PLEKHB1: variants seen among roughly 807,000 people sequenced by gnomAD.
PLEKHB1 encodes pleckstrin homology domain-containing family B member 1.
In PLEKHB1, 29 loss-of-function variants were observed where a neutral mutation model predicts 36.2. The observed-to-expected ratio is 0.80, with a 90% CI of 0.60 to 1.09. The LOEUF (loss-of-function observed/expected upper bound fraction) is 1.09, where lower values mean the gene tolerates loss of function less well. PLEKHB1 is among the 50% of genes least tolerant of loss of function. The pLI, the probability that PLEKHB1 is intolerant of heterozygous loss-of-function variation, is 0.00. For missense variants in PLEKHB1, 330 were observed against 348.2 expected (o/e 0.95, Z 0.42); for synonymous variants, 138 against 140.0 (o/e 0.99, Z 0.10).
intron 7 of PLEKHB1, 80 bp downstream of exon 7, chr11:73,660,932 C>A: frequency 7.7e-7 from 1 of 1,294,794 alleles, no homozygotes; most frequent in Non-Finnish European, 1.1e-6. Context: ...TCCGTAAGTC[C>A]GGACCAGGCT....
At chr11:73,653,113 C>A in intron 5 of PLEKHB1, 99 bp downstream of exon 5, 1 of 1,273,120 alleles carries the variant, frequency 7.9e-7, no homozygotes, top group Non-Finnish European at 1.1e-6. Flanking sequence ...AGTTCTCAGT[C>A]TTATGTGGAT....
intron 1 of PLEKHB1, 55 bp from the exon 2 acceptor site, chr11:73,648,957 C>T (rs1944826028): frequency 1.3e-6 from 2 of 1,551,074 alleles, no homozygotes; most frequent in African/African-American, 2.7e-5. Flanking sequence ...GGGCTGGGGG[C>T]TTCTCTCCAG....
chr11:73,646,805 G>A (rs1409377232), intron 1 of PLEKHB1, among the ~76,000 whole-genome samples, 179 bp downstream of exon 1: 1 of 152,152 alleles, frequency 6.6e-6, no homozygotes, highest in Non-Finnish European at 1.5e-5. Context: ...AATGATCACA[G>A]TCCGAGGTGA....
chr11:73,646,623 C>G lies in PLEKHB1; in HGVS notation c.15C>G (p.Ala5=). 6.4e-7 allele frequency: 1 copy of G among 1,551,488 alleles called. No individual in the cohort carries two copies. The change falls in exon 1 of 8, where the codon GCC becomes GCG. Residue 5 remains alanine (A), a synonymous_variant. Transcript: ENST00000354190. MSPA[A]PVPPDSALES... ...ACCCAGGAACCATGAGCCCTGCAGCCCCGGTAAGGAAGAGTTCTCTGGGAC... is the reference window on the plus strand; with the variant it reads ...ACCCAGGAACCATGAGCCCTGCAGCGCCGGTAAGGAAGAGTTCTCTGGGAC...
intron 6 of PLEKHB1, among the ~76,000 whole-genome samples, chr11:73,658,611 TTTTC>T (rs149290868): frequency 1.3e-5 from 2 of 151,798 alleles, no homozygotes; most frequent in Non-Finnish European, 2.9e-5. Context: ...CCTTCTTTCT[TTTTC>T]TTTCTTTCTT....
At chr11:73,650,883 G>A (rs1590790534) in intron 3 of PLEKHB1, among the ~76,000 whole-genome samples, 178 bp downstream of exon 3, 1 of 152,046 alleles carries the variant, frequency 6.6e-6, no homozygotes, top group South Asian at 2.1e-4. Flanking sequence ...TAGGTCCTTG[G>A]CTGTGTGTGG....
chr11:73,648,585 G>T (rs1944817385), intron 1 of PLEKHB1: 1 of 979,998 alleles, frequency 1.0e-6, no homozygotes, highest in African/African-American at 1.8e-5. Context: ...GAATCCCAAG[G>T]TTTCTAATAC....
chr11:73,649,153 G>T, intron 2 of PLEKHB1, 66 bp downstream of exon 2: 2 of 1,533,838 alleles, frequency 1.3e-6, no homozygotes, highest in East Asian at 2.4e-5. Context: ...GCTTGCCACG[G>T]GGAACACTTC....
In PLEKHB1 at chr11:73,661,708, C is replaced by T. The variant is rs982413741; in HGVS notation, c.*106C>T. 59 of 1,386,460 alleles carry T rather than the reference C, an allele frequency of 4.3e-5. 1 individual carries two copies. The highest frequency in any genetic ancestry group is 1.4e-4 in the Admixed American group (6 of 43,048). 85.9% of individuals were successfully genotyped at this position (1,386,460 alleles called of 1,614,324 possible). ...AGCCCTGTCCCACTTTGGCCCTATC[C>T]TCTCCATTAGCTCCTTCCGGGTTTG... On this transcript the variant is annotated 3_prime_UTR_variant, in exon 8 of 8. Transcript: ENST00000354190. This position sits in a 1 kb window ranked among gnomAD's most constrained non-coding sequence, Gnocchi z 4.6.
intron 6 of PLEKHB1, 51 bp from the exon 7 acceptor site, chr11:73,660,702 C>A: frequency 6.5e-7 from 1 of 1,536,478 alleles, no homozygotes; most frequent in South Asian, 1.2e-5. Flanking sequence ...GGTAGGGGAC[C>A]AAATCCGGGC....
intron 1 of PLEKHB1, chr11:73,647,539 T>C: frequency 1.0e-6 from 1 of 985,402 alleles, no homozygotes; most frequent in Non-Finnish European, 1.2e-6. Context: ...GGTCAGCATC[T>C]CTTCACGTCA....
intron 5 of PLEKHB1, chr11:73,653,332 A>T: frequency 1.7e-6 from 1 of 599,762 alleles, no homozygotes; most frequent in Non-Finnish European, 3.1e-6. Flanking sequence ...TCCTCACAAC[A>T]GTCCTGTGAA....
At chr11:73,652,928 C>T (rs1336372715) in intron 4 of PLEKHB1, 47 bp from the exon 5 acceptor site, 7 of 1,549,542 alleles carry the variant, frequency 4.5e-6, no homozygotes, top group Non-Finnish European at 4.4e-6. Flanking sequence ...CCCAATTCAC[C>T]CACCCCCAAA....
chr11:73,659,690 G>A (rs946468225), intron 6 of PLEKHB1, among the ~76,000 whole-genome samples: 6 of 152,218 alleles, frequency 3.9e-5, no homozygotes, highest in African/African-American at 1.4e-4. Context: ...GGAGTGGAGT[G>A]GGTGACCGTT....
chr11:73,651,798 C>A lies in PLEKHB1; in HGVS notation c.258C>A (p.Pro86=). 6.2e-7 allele frequency: 1 copy of A among 1,613,492 alleles called. No individual in the cohort carries two copies. The highest frequency in any genetic ancestry group is 8.5e-7 in the Non-Finnish European group (1 of 1,179,794). The change falls in exon 4 of 8, where the codon CCC becomes CCA. Residue 86 remains proline (P), a synonymous_variant. Coordinates refer to ENST00000354190, the MANE Select transcript of PLEKHB1 (RefSeq NM_021200.3). Reference sequence around the variant, plus strand: ...TGTGTCTGCTTCCAGATGTGCAGCCCCCAGAGGGCCGGAGCCGAGATGGCC... The same window carrying A: ...TGTGTCTGCTTCCAGATGTGCAGCCACCAGAGGGCCGGAGCCGAGATGGCC... ...KIGPECHDVQ[P]PEGRSRDGLL...
intron 2 of PLEKHB1, among the ~76,000 whole-genome samples, chr11:73,649,659 A>G (rs1944847433): frequency 6.6e-6 from 1 of 152,212 alleles, no homozygotes; most frequent in African/African-American, 2.4e-5. Context: ...CAGTTGCAAA[A>G]TGTCAGAAGC....
chr11:73,658,611 T>TTTTCTTTC (rs149290868), intron 6 of PLEKHB1, among the ~76,000 whole-genome samples: 2 of 151,798 alleles, frequency 1.3e-5, no homozygotes, highest in Non-Finnish European at 2.9e-5. Flanking sequence ...CCTTCTTTCT[T>TTTTCTTTC]TTTCTTTCTT....
intron 5 of PLEKHB1, among the ~76,000 whole-genome samples, chr11:73,654,172 G>A (rs758824073): frequency 6.6e-6 from 1 of 152,224 alleles, no homozygotes; most frequent in African/African-American, 2.4e-5. Flanking sequence ...GGCCGAGACA[G>A]GCTGATGAGT....
intron 5 of PLEKHB1, among the ~76,000 whole-genome samples, chr11:73,654,567 T>C (rs1353000941): frequency 6.6e-6 from 1 of 152,164 alleles, no homozygotes; most frequent in African/African-American, 2.4e-5. Flanking sequence ...AGGTGACTTG[T>C]CCAAAGCTTA....
Sources: allele counts gnomAD v4.1 joint callset (sites outside exome capture counted in the v4.1 genomes callset), GRCh38; gene constraint gnomAD v4.1.1; non-coding constraint Gnocchi (gnomAD v3.1); transcripts MANE v1.5; gene names NCBI Gene and HGNC (gene_info 2026-07-23, HGNC 2026-07-21).